Variants in CA5A observed in about 807,000 individuals in gnomAD.
CA5A encodes carbonic anhydrase 5A, mitochondrial.
CA5A carries 28 observed loss-of-function variants against 37.1 expected under a neutral mutation model. That is an observed-to-expected ratio of 0.75 (90% CI 0.56 to 1.03). The LOEUF is 1.03. CA5A is among the 50% of genes least tolerant of loss of function. The pLI is 0.00. For synonymous variants in CA5A, 171 were observed against 158.4 expected, an observed-to-expected ratio of 1.08 and a Z score of -0.60; for missense variants, 444 against 399.9, an observed-to-expected ratio of 1.11 and a Z score of -0.94.
At chr16:87,881,953 C>A (rs113183290) in intron 4 of CA5A, 5,117 of 152,152 alleles carry the variant, frequency 0.034, 138 homozygotes, top group African/African-American at 0.07. Flanking sequence ...TGTGTTGATA[C>A]GGAAAATGAA....
chr16:87,885,586 C>G (rs1418332204), downstream of CA5A: 1 of 152,962 alleles, frequency 6.5e-6, no homozygotes, highest in Non-Finnish European at 1.5e-5. Context: ...GCTCAGAACC[C>G]AGCAGCAGCT....
At chr16:87,903,514 T>C (rs1376667886) in intron 3 of CA5A, among the ~76,000 whole-genome samples, 2 of 152,076 alleles carry the variant, frequency 1.3e-5, no homozygotes, top group Non-Finnish European at 2.9e-5. Flanking sequence ...AAAATAAAAG[T>C]CATGTTGTTA....
intron 2 of CA5A, among the ~76,000 whole-genome samples, chr16:87,925,310 G>C (rs112515080): frequency 6.5e-4 from 99 of 152,290 alleles, no homozygotes; most frequent in African/African-American, 2.2e-3. Context: ...ACGCGAAGAG[G>C]TGTCTGGGCT....
At chr16:87,918,277 C>G (rs573122739) in intron 2 of CA5A, among the ~76,000 whole-genome samples, 9 of 152,230 alleles carry the variant, frequency 5.9e-5, no homozygotes, top group African/African-American at 1.7e-4. Context: ...AGGGAATGAG[C>G]TGAGCTGTCT....
rs142575527 is a variant in CA5A at position 87,928,917 on chromosome 16, G to A, written c.143-1972C>T. On this transcript the variant is annotated intron_variant, in intron 1 of 6. Coordinates refer to ENST00000649794, the MANE Select transcript of CA5A (RefSeq NM_001739.2). ...CTGAGTAGCTCTATTACAGGCACGC[G>A]CCGCCACACCTGGCTACTTTTTTGT... Among the ~76,000 whole-genome samples, 121 of 150,670 alleles carry A rather than the reference G, an allele frequency of 8.0e-4. No individual in the cohort carries two copies. The East Asian group carries it at 0.02, about 25-fold the overall frequency.
chr16:87,894,828 G>A (rs1345300635), intron 5 of CA5A, among the ~76,000 whole-genome samples: 3 of 152,042 alleles, frequency 2.0e-5, no homozygotes, highest in East Asian at 3.9e-4. Flanking sequence ...GCAGTGAGCC[G>A]AGATGGCACC....
intron 2 of CA5A, among the ~76,000 whole-genome samples, chr16:87,919,784 A>T (rs1394721509): frequency 8.5e-5 from 13 of 152,050 alleles, no homozygotes; most frequent in Admixed American, 6.5e-5. Context: ...CATGGACAAG[A>T]GAGAGGAAGG....
chr16:87,892,433 C>A lies in CA5A; in HGVS notation c.619-479G>T, dbSNP rs537752188. 2.1e-3 allele frequency among the ~76,000 whole-genome samples: 316 copies of A among 149,814 alleles called. 3 individuals carry two copies. The highest frequency in any genetic ancestry group is 6.4e-3 in the African/African-American group (261 of 40,910). On this transcript the variant is annotated intron_variant, in intron 5 of 6. Transcript: ENST00000649794. The stretch of plus-strand genomic sequence containing the variant: ...GCTGAGGCAGGAGAATCGCTTGAGC[C>A]CAGGAGGCAGAGGTTGCAGTGAGCC...
chr16:87,907,028 C>A (rs1372422094), intron 2 of CA5A, among the ~76,000 whole-genome samples: 1 of 152,000 alleles, frequency 6.6e-6, no homozygotes, highest in Non-Finnish European at 1.5e-5. Context: ...ACCAGCCTGG[C>A]CAACATGATA....
chr16:87,888,375 G>A, intron 6 of CA5A, 103 bp from the exon 7 acceptor site: 2 of 1,006,956 alleles, frequency 2.0e-6, no homozygotes, highest in Non-Finnish European at 2.9e-6. Flanking sequence ...GCTGAATCAG[G>A]ATGGCCCGAA....
At chr16:87,892,319 G>C (rs896594319) in intron 5 of CA5A, 2 of 159,152 alleles carry the variant, frequency 1.3e-5, no homozygotes, top group African/African-American at 4.8e-5. Context: ...AGACCAGCCT[G>C]GTCAACGTGG....
intron 2 of CA5A, 65 bp downstream of exon 2, chr16:87,926,683 G>T: frequency 7.7e-7 from 1 of 1,306,620 alleles, no homozygotes; most frequent in Non-Finnish European, 1.1e-6. Context: ...TCTCCGCGAA[G>T]CTCTTGACCC....
chr16:87,922,730 C>G (rs2056247972), intron 2 of CA5A, among the ~76,000 whole-genome samples: 1 of 152,264 alleles, frequency 6.6e-6, no homozygotes. Flanking sequence ...CTCACTCACC[C>G]AGGGTGCTGG....
At chr16:87,908,563 C>T (rs181887707) in intron 2 of CA5A, among the ~76,000 whole-genome samples, 36 of 152,300 alleles carry the variant, frequency 2.4e-4, no homozygotes, top group African/African-American at 6.3e-4. Flanking sequence ...CGATGCCTGC[C>T]GGATCCCCAC....
rs1190143632 is a variant in CA5A, at chr16:87,897,188, C to T, written c.618+4724G>A. On this transcript the variant is annotated intron_variant, in intron 5 of 6. Transcript: ENST00000649794. ...GGCACAGAGCCGTTCCCTGGATCCC[C>T]TGGACCTGGTGGGCTGTTTCCACCT... 2.6e-5 allele frequency among the ~76,000 whole-genome samples: 4 copies of T among 152,240 alleles called. 1 individual carries two copies. Among genetic ancestry groups the T allele is most frequent in the Admixed American group, 2.0e-4 (3 of 15,286 alleles).
intron 2 of CA5A, among the ~76,000 whole-genome samples, chr16:87,915,652 G>A (rs1395533297): frequency 8.5e-6 from 1 of 118,046 alleles, no homozygotes; most frequent in Non-Finnish European, 1.6e-5. Context: ...TTGCACCACT[G>A]CACTGCAGCC....
At chr16:87,903,214 C>T (rs1282939313) in intron 3 of CA5A, among the ~76,000 whole-genome samples, 6 of 152,110 alleles carry the variant, frequency 3.9e-5, no homozygotes, top group South Asian at 2.1e-4. Flanking sequence ...GGGTGGATCA[C>T]GAGGTCAGGA....
At position 87,904,775 on chromosome 16, in the gene CA5A, C is replaced by A. The variant is rs748341294; in HGVS notation, c.459+11G>T. ...TGTGCAGATATGTGCTGTTAGGCCACGTCTACAAACCTCTGCGGGGTACGC... is the reference window on the plus strand; with the variant it reads ...TGTGCAGATATGTGCTGTTAGGCCAAGTCTACAAACCTCTGCGGGGTACGC... On this transcript the variant is annotated intron_variant, in intron 3 of 6. Transcript: ENST00000649794. The A allele has an allele frequency of 1.9e-6, 3 of 1,542,524 alleles. No homozygotes were observed. The African/African-American group carries it at 4.1e-5, about 21-fold the overall frequency.
chr16:87,930,646 G>A (rs150336286), intron 1 of CA5A, among the ~76,000 whole-genome samples: 27 of 152,182 alleles, frequency 1.8e-4, no homozygotes, highest in African/African-American at 5.1e-4. Context: ...GGACTGCGGC[G>A]TGGGGACAGC....
Sources: allele counts gnomAD v4.1 joint callset (sites outside exome capture counted in the v4.1 genomes callset), GRCh38; gene constraint gnomAD v4.1.1; transcripts MANE v1.5; gene names NCBI Gene and HGNC (gene_info 2026-07-23, HGNC 2026-07-21).